The following MAP3K13 variants were observed in gnomAD, a reference collection of about 807,000 sequenced individuals.
MAP3K13 encodes the protein leucine zipper-bearing kinase.
In MAP3K13, 52 loss-of-function variants were observed where a neutral mutation model predicts 104.0. The ratio of observed to expected loss-of-function variants is 0.50; its 90% CI spans 0.40 to 0.63. The LOEUF is 0.63. Ranked by LOEUF, MAP3K13 falls within the 20% of genes least tolerant of loss-of-function variation. MAP3K13 has a pLI of 0.00. For missense variants in MAP3K13, 914 were observed against 1,218.5 expected (o/e 0.75, Z 3.72); for synonymous variants, 394 against 442.2 (o/e 0.89, Z 1.37).
chr3:185,369,218 G>C (rs963228905), intron 1 of MAP3K13, among the ~76,000 whole-genome samples: 2 of 152,188 alleles, frequency 1.3e-5, no homozygotes, highest in Non-Finnish European at 2.9e-5. Flanking sequence ...GAGGGGAATA[G>C]AGCGTGCTGG....
At chr3:185,477,145 A>G (rs1481199396) in intron 11 of MAP3K13, 181 bp from the exon 12 acceptor site, 1 of 689,948 alleles carries the variant, frequency 1.4e-6, no homozygotes, top group South Asian at 1.5e-5. Flanking sequence ...CATCATAGGT[A>G]CCCTGGAAAA....
chr3:185,416,654 G>A (rs908199056), intron 1 of MAP3K13, among the ~76,000 whole-genome samples: 5 of 151,920 alleles, frequency 3.3e-5, no homozygotes, highest in African/African-American at 1.2e-4. Flanking sequence ...TTTTTGAGAC[G>A]GCCTTGCTAT....
chr3:185,356,099 G>A (rs1723339919), intron 2 of MAP3K13, among the ~76,000 whole-genome samples: 1 of 149,414 alleles, frequency 6.7e-6, no homozygotes. Flanking sequence ...GCTTGCTATT[G>A]AGAGGAAATA....
intron 2 of MAP3K13, among the ~76,000 whole-genome samples, chr3:185,435,353 A>G (rs905468726): frequency 3.3e-5 from 5 of 152,114 alleles, no homozygotes; most frequent in Non-Finnish European, 7.4e-5. Context: ...GAGGAAAACT[A>G]TCTTACAATA....
intron 13 of MAP3K13, among the ~76,000 whole-genome samples, chr3:185,481,497 A>AG (rs976435503): frequency 6.6e-6 from 1 of 151,186 alleles, no homozygotes; most frequent in African/African-American, 2.4e-5. Flanking sequence ...CTGAAAAAAA[A>AG]AAATTATTTT....
intron 2 of MAP3K13, among the ~76,000 whole-genome samples, chr3:185,293,813 T>C (rs940660184): frequency 5.3e-5 from 8 of 152,336 alleles, no homozygotes; most frequent in Non-Finnish European, 8.8e-5. Context: ...TTTTTCACTT[T>C]ATGCTACTAC....
At chr3:185,349,847 AGCATGCT>A (rs1723072647) in intron 2 of MAP3K13, among the ~76,000 whole-genome samples, 1 of 152,148 alleles carries the variant, frequency 6.6e-6, no homozygotes, top group Admixed American at 6.5e-5. Context: ...ATATGCTCTT[AGCATGCT>A]GTGTGCGTAC....
intron 1 of MAP3K13, among the ~76,000 whole-genome samples, chr3:185,382,722 C>T (rs376651735): frequency 3.4e-4 from 51 of 152,094 alleles, no homozygotes; most frequent in East Asian, 2.5e-3. Context: ...AGCCTGGTAC[C>T]GGCCGGGCGC....
At chr3:185,407,217 C>T (rs149515526) in intron 1 of MAP3K13, among the ~76,000 whole-genome samples, 115 of 152,224 alleles carry the variant, frequency 7.6e-4, no homozygotes, top group African/African-American at 2.7e-3. Context: ...CACCACCAGA[C>T]CCTAGATCTT....
intron 1 of MAP3K13, among the ~76,000 whole-genome samples, chr3:185,373,706 A>T (rs1724271262): frequency 6.6e-6 from 1 of 152,084 alleles, no homozygotes; most frequent in South Asian, 2.1e-4. Flanking sequence ...CCTAAATAAC[A>T]AGAGAACAAA....
At chr3:185,312,622 A>G (rs1376210289) in intron 2 of MAP3K13, among the ~76,000 whole-genome samples, 1 of 152,234 alleles carries the variant, frequency 6.6e-6, no homozygotes, top group East Asian at 1.9e-4. Context: ...ACATTTATCA[A>G]GTAATTATAT....
Position 185,304,277 on chromosome 3 carries a change from A to C in MAP3K13, c.-86+18634A>C, listed in dbSNP as rs140488725. Among the ~76,000 whole-genome samples the C allele has an allele frequency of 1.1e-3, 174 of 152,306 alleles. 1 individual carries two copies. The highest frequency in any genetic ancestry group is 1.8e-3 in the Non-Finnish European group (125 of 68,026). Reference sequence around the variant, plus strand: ...GGATGTTCCATATGCCCTTGAGAAGAATATGTGTTCTGCTGTTGTGGAGTA... The same window carrying C: ...GGATGTTCCATATGCCCTTGAGAAGCATATGTGTTCTGCTGTTGTGGAGTA... On this transcript the variant is annotated intron_variant, in intron 2 of 14. Coordinates refer to the MAP3K13 transcript ENST00000424227.
intron 1 of MAP3K13, among the ~76,000 whole-genome samples, chr3:185,388,275 G>A (rs1450428600): frequency 1.3e-5 from 2 of 152,126 alleles, no homozygotes; most frequent in African/African-American, 2.4e-5. Context: ...GCTGAGGCAG[G>A]TGGATCACTT....
chr3:185,375,924 G>A (rs890596761), intron 1 of MAP3K13, among the ~76,000 whole-genome samples: 7 of 152,158 alleles, frequency 4.6e-5, no homozygotes, highest in Admixed American at 1.3e-4. Context: ...ACGCATAGTC[G>A]CTTTGCAAGA....
Position 185,463,552 on chromosome 3 carries a change from T to C in MAP3K13, c.1281T>C (p.Ala427=), listed in dbSNP as rs56303519. 12,457 of 1,574,972 alleles carry C rather than the reference T, an allele frequency of 7.9e-3. 590 individuals carry two copies. In the African/African-American group the frequency reaches 0.12, roughly 15 times the overall value. ...AAATCTAATTTGTCCTTACCCAGGC[T>C]GAATGGAGAGAAGAAGTGAAAAAAC... ...TPQETYFKSQ[A]EWREEVKKHF... is the part of the protein sequence containing the mutation. The change falls in exon 8 of 14, where the codon GCT becomes GCC. Residue 427 remains alanine, a splice_region_variant and synonymous_variant. Transcript: ENST00000265026.
At chr3:185,341,215 G>A (rs1265004253) in intron 2 of MAP3K13, among the ~76,000 whole-genome samples, 1 of 152,096 alleles carries the variant, frequency 6.6e-6, no homozygotes, top group African/African-American at 2.4e-5. Context: ...AGTTAGGGTG[G>A]ACTCTAAATC....
chr3:185,335,349 C>G (rs1355813870), intron 2 of MAP3K13, among the ~76,000 whole-genome samples: 2 of 152,044 alleles, frequency 1.3e-5, no homozygotes, highest in Non-Finnish European at 2.9e-5. Flanking sequence ...GTAATTGGAT[C>G]CCCTTCCCTT....
At chr3:185,330,229 G>A (rs1722212941) in intron 2 of MAP3K13, among the ~76,000 whole-genome samples, 1 of 151,970 alleles carries the variant, frequency 6.6e-6, no homozygotes, top group Non-Finnish European at 1.5e-5. Context: ...ATCACTGGAG[G>A]AGTGCTCAGA....
chr3:185,428,370 C>A (rs1714547607), intron 1 of MAP3K13, 127 bp from the exon 2 acceptor site: 1 of 499,006 alleles, frequency 2.0e-6, no homozygotes, highest in Non-Finnish European at 3.4e-6. Context: ...CACTCATTTC[C>A]ATCACATGGA....
Sources: gnomAD v4.1 joint callset for allele counts (sites outside exome capture counted in the v4.1 genomes callset) on GRCh38, gnomAD v4.1.1 for gene constraint, MANE v1.5 for transcripts, NCBI Gene and HGNC (gene_info 2026-07-23, HGNC 2026-07-21) for gene names.